The following CABCOCO1 variants were observed in gnomAD, a reference collection of about 807,000 sequenced individuals.
CABCOCO1 encodes ciliary associated calcium binding coiled-coil 1.
A neutral mutation model predicts 35.7 loss-of-function variants in CABCOCO1; 28 were observed. The ratio of observed to expected loss-of-function variants is 0.78; its 90% CI spans 0.58 to 1.07. The LOEUF is 1.07. Among genes scored for constraint, CABCOCO1 ranks in the 50% least tolerant of loss-of-function variants. The probability of loss-of-function intolerance (pLI) is 0.00; values close to 1 mark genes in which losing one functional copy is unlikely to be tolerated. For synonymous variants in CABCOCO1, 95 were observed against 100.1 expected, an observed-to-expected ratio of 0.95 and a Z score of 0.30; for missense variants, 326 against 309.2, an observed-to-expected ratio of 1.05 and a Z score of -0.41.
intron 1 of CABCOCO1, among the ~76,000 whole-genome samples, chr10:61,671,481 C>T (rs907044816): frequency 6.6e-6 from 1 of 152,156 alleles, no homozygotes; most frequent in Non-Finnish European, 1.5e-5. Flanking sequence ...CTTTTCAGCA[C>T]TTCCTCCACC....
At chr10:61,705,625 G>T (rs114243811) in intron 5 of CABCOCO1, among the ~76,000 whole-genome samples, 4 of 152,158 alleles carry the variant, frequency 2.6e-5, no homozygotes, top group Non-Finnish European at 5.9e-5. Flanking sequence ...CCCTAAAGAG[G>T]TATATTAGAG....
chr10:61,741,342 AT>A (rs1473388490), intron 5 of CABCOCO1, among the ~76,000 whole-genome samples: 3 of 152,144 alleles, frequency 2.0e-5, no homozygotes, highest in Non-Finnish European at 4.4e-5. Flanking sequence ...TTACAAAAAA[AT>A]AACTAATATT....
intron 5 of CABCOCO1, among the ~76,000 whole-genome samples, chr10:61,708,482 A>G (rs1015147370): frequency 6.6e-6 from 1 of 152,100 alleles, no homozygotes; most frequent in Non-Finnish European, 1.5e-5. Flanking sequence ...TTTATTTCTT[A>G]CAGTTCTAGA....
At chr10:61,733,803 T>C (rs1841356493) in intron 5 of CABCOCO1, among the ~76,000 whole-genome samples, 1 of 152,092 alleles carries the variant, frequency 6.6e-6, no homozygotes, top group Admixed American at 6.6e-5. Context: ...CAATTTTTAC[T>C]TAAATAGTTG....
chr10:61,763,542 T>C (rs1842050470), intron 7 of CABCOCO1, among the ~76,000 whole-genome samples: 1 of 152,070 alleles, frequency 6.6e-6, no homozygotes, highest in Non-Finnish European at 1.5e-5. Context: ...GGAGCAAACT[T>C]AAATATATTT....
chr10:61,677,068 A>AATAATAATAATCATAATAAT (rs375409640), intron 2 of CABCOCO1, among the ~76,000 whole-genome samples: 1 of 144,302 alleles, frequency 6.9e-6, no homozygotes. Flanking sequence ...CTGTCTCAAA[A>AATAATAATAATCATAATAAT]AATAATAATA....
chr10:61,675,787 AC>A (rs1173485200), intron 2 of CABCOCO1, among the ~76,000 whole-genome samples: 1 of 152,150 alleles, frequency 6.6e-6, no homozygotes, highest in Non-Finnish European at 1.5e-5. Context: ...AAGGCAAGAA[AC>A]TAAGGCTAAG....
chr10:61,729,420 T>C (rs1841248600), intron 5 of CABCOCO1, among the ~76,000 whole-genome samples: 1 of 152,046 alleles, frequency 6.6e-6, no homozygotes, highest in Non-Finnish European at 1.5e-5. Context: ...CACAATGAGA[T>C]AAACACCTCA....
Position 61,667,393 on chromosome 10 carries a change from T to C in CABCOCO1, c.60+4361T>C, listed in dbSNP as rs1039437204. Among the ~76,000 whole-genome samples, 21 of 149,622 alleles carry C rather than the reference T, an allele frequency of 1.4e-4. No individual in the cohort carries two copies. In the East Asian group the frequency reaches 4.1e-3, roughly 29 times the overall value. On this transcript the variant is annotated intron_variant, in intron 1 of 7. Transcript: ENST00000648843. ...AATCTATTTTGGAAAGTTCACTCTA[T>C]TTTTTTTTCTTGACAAGTATGTCTT...
intron 2 of CABCOCO1, among the ~76,000 whole-genome samples, chr10:61,674,498 T>A (rs1462112463): frequency 1.3e-5 from 2 of 152,206 alleles, no homozygotes; most frequent in Admixed American, 1.3e-4. Context: ...ATTTTCGTAA[T>A]GGTAATCCTG....
At chr10:61,759,046 G>C (rs1841955551) in intron 5 of CABCOCO1, among the ~76,000 whole-genome samples, 1 of 151,600 alleles carries the variant, frequency 6.6e-6, no homozygotes, top group Non-Finnish European at 1.5e-5. Flanking sequence ...ATTATTTCGT[G>C]AATTTATGCA....
At position 61,766,338 on chromosome 10, in the gene CABCOCO1, A is replaced by C. The variant is rs547974331; in HGVS notation, c.*325A>C. 2.4e-5 allele frequency: 4 copies of C among 168,200 alleles called. No individual in the cohort carries two copies. In the South Asian group the frequency reaches 7.2e-4, roughly 30 times the overall value. The allele number at this position is 168,200 out of a possible 1,614,324, so 10.4% of individuals were successfully genotyped here. A position where few individuals can be genotyped will look rare whatever the true frequency, so the allele number is the denominator to read the frequency against. ...ATAAATCCTATTCATCTTCAAGGAGAATGAAGTCAACTTTTTAAATAACCA... is the reference window on the plus strand; with the variant it reads ...ATAAATCCTATTCATCTTCAAGGAGCATGAAGTCAACTTTTTAAATAACCA... On this transcript the variant is annotated 3_prime_UTR_variant, in exon 8 of 8. Transcript: ENST00000648843.
chr10:61,681,246 G>A lies in CABCOCO1; in HGVS notation c.268G>A (p.Asp90Asn), dbSNP rs762205676. ...TGGATTTTTGTGGGCTAGAGGAATG[G>A]ATTTCTCTATTATTCAGTATTCAAA... ...VSGFLWARGM[D>N]FSIIQYSKFM... is the part of the protein sequence containing the mutation. Residue 90 changes from aspartate (D) to asparagine (N), a missense_variant, in exon 3 of 8, where the codon GAT becomes AAT. Coordinates refer to ENST00000648843, the MANE Select transcript of CABCOCO1 (RefSeq NM_001366906.2). The A allele has an allele frequency of 3.2e-6, 5 of 1,569,354 alleles. No homozygotes were observed. Among genetic ancestry groups the A allele is most frequent in the African/African-American group, 1.4e-5 (1 of 73,108 alleles).
At chr10:61,726,524 G>GT (rs200175551) in intron 5 of CABCOCO1, among the ~76,000 whole-genome samples, 20 of 150,804 alleles carry the variant, frequency 1.3e-4, no homozygotes, top group South Asian at 2.1e-4. Flanking sequence ...GTGATTTTTA[G>GT]TTTTTTTTTA....
chr10:61,690,943 G>A (rs1017328773), intron 5 of CABCOCO1, among the ~76,000 whole-genome samples: 10 of 151,946 alleles, frequency 6.6e-5, no homozygotes, highest in Non-Finnish European at 1.2e-4. Context: ...TTGCAAAAAA[G>A]AATAATTATA....
chr10:61,761,036 T>C (rs767312145), intron 7 of CABCOCO1, 33 bp downstream of exon 7: 1 of 1,603,890 alleles, frequency 6.2e-7, no homozygotes, highest in South Asian at 1.1e-5. Flanking sequence ...TCACTTACTT[T>C]ATTACTGGTT....
At chr10:61,673,990 A>C (rs901114391) in intron 2 of CABCOCO1, among the ~76,000 whole-genome samples, 35 of 152,228 alleles carry the variant, frequency 2.3e-4, no homozygotes, top group Non-Finnish European at 4.0e-4. Context: ...ATGCAAAACA[A>C]TAGGTATTTG....
At chr10:61,761,058 C>A in intron 7 of CABCOCO1, 55 bp downstream of exon 7, 1 of 1,578,740 alleles carries the variant, frequency 6.3e-7, no homozygotes, top group Non-Finnish European at 8.7e-7. Flanking sequence ...ATTAGCCAAC[C>A]TTAACTTTAA....
chr10:61,719,939 A>T (rs1287062902), intron 5 of CABCOCO1, among the ~76,000 whole-genome samples: 2 of 138,130 alleles, frequency 1.4e-5, no homozygotes, highest in African/African-American at 5.2e-5. Context: ...AAAAAAAAAA[A>T]GGCAAAAAAG....
Sources: allele counts gnomAD v4.1 joint callset (sites outside exome capture counted in the v4.1 genomes callset), GRCh38; gene constraint gnomAD v4.1.1; transcripts MANE v1.5; gene names NCBI Gene and HGNC (gene_info 2026-07-23, HGNC 2026-07-21).